Variants in NKAIN2 observed in about 807,000 individuals in gnomAD.
NKAIN2 encodes the protein sodium/potassium transporting ATPase interacting 2.
NKAIN2 carries 14 observed loss-of-function variants against 32.6 expected under a neutral mutation model. The observed-to-expected ratio is 0.43, with a 90% CI of 0.28 to 0.67. NKAIN2 has a LOEUF of 0.67. Ranked by LOEUF, NKAIN2 falls within the 30% of genes least tolerant of loss-of-function variation. The probability of loss-of-function intolerance (pLI) is 0.17; values close to 1 mark genes in which losing one functional copy is unlikely to be tolerated. For synonymous variants in NKAIN2, 80 were observed against 87.2 expected (o/e 0.92, Z 0.46); for missense variants, 198 against 258.3 (o/e 0.77, Z 1.60).
chr6:124,711,459 T>A (rs935520498), intron 4 of NKAIN2, among the ~76,000 whole-genome samples: 2 of 151,170 alleles, frequency 1.3e-5, no homozygotes, highest in Non-Finnish European at 2.9e-5. Flanking sequence ...GGTACACCAG[T>A]CAGACACAGA....
Position 124,545,189 on chromosome 6 carries a change from G to A in NKAIN2, c.274-112997G>A, listed in dbSNP as rs73567539. Among the ~76,000 whole-genome samples the A allele has an allele frequency of 6.6e-3, 1,008 of 152,244 alleles. 12 individuals carry two copies. The highest frequency in any genetic ancestry group is 0.023 in the African/African-American group (959 of 41,556). On this transcript the variant is annotated intron_variant, in intron 3 of 6. Transcript: ENST00000368417. ...TTTGTGCAGAATTGCTTCAATGCCT[G>A]CCCTGAAAATAGCTTAATTTTAAGT...
At chr6:124,453,156 A>C (rs1776175112) in intron 3 of NKAIN2, among the ~76,000 whole-genome samples, 1 of 151,968 alleles carries the variant, frequency 6.6e-6, no homozygotes, top group Admixed American at 6.6e-5. Context: ...ACTTTAAAGT[A>C]CTCAAACAGA....
At chr6:124,047,565 C>T (rs1782205584) in intron 1 of NKAIN2, among the ~76,000 whole-genome samples, 1 of 151,992 alleles carries the variant, frequency 6.6e-6, no homozygotes, top group African/African-American at 2.4e-5. Context: ...GGCTTCCTCC[C>T]CGGCTATTAG....
intron 1 of NKAIN2, among the ~76,000 whole-genome samples, chr6:124,089,761 GTGAC>G (rs912420014): frequency 6.6e-6 from 1 of 151,892 alleles, no homozygotes; most frequent in Non-Finnish European, 1.5e-5. Context: ...ATATTATCTA[GTGAC>G]TGACTGTCAG....
intron 1 of NKAIN2, among the ~76,000 whole-genome samples, chr6:124,105,573 G>C (rs913869875): frequency 3.3e-5 from 5 of 152,146 alleles, no homozygotes; most frequent in Non-Finnish European, 5.9e-5. Flanking sequence ...CTGATCTCTG[G>C]AGAAGCACAG....
intron 3 of NKAIN2, among the ~76,000 whole-genome samples, chr6:124,412,947 C>T (rs1016147099): frequency 6.6e-6 from 1 of 152,172 alleles, no homozygotes; most frequent in African/African-American, 2.4e-5. Flanking sequence ...ATGAGCAAGG[C>T]TCCATGGGCG....
intron 3 of NKAIN2, among the ~76,000 whole-genome samples, chr6:124,604,653 G>C (rs1324188554): frequency 6.6e-6 from 1 of 151,442 alleles, no homozygotes; most frequent in Non-Finnish European, 1.5e-5. Flanking sequence ...TAATAAAATG[G>C]AAAATGGAAA....
At chr6:124,506,070 A>C (rs1405888882) in intron 3 of NKAIN2, among the ~76,000 whole-genome samples, 1 of 151,910 alleles carries the variant, frequency 6.6e-6, no homozygotes, top group Non-Finnish European at 1.5e-5. Context: ...AGTCCCAGCT[A>C]CTCGGGATGC....
At chr6:124,196,125 C>T (rs1477757155) in intron 1 of NKAIN2, among the ~76,000 whole-genome samples, 1 of 152,054 alleles carries the variant, frequency 6.6e-6, no homozygotes, top group Non-Finnish European at 1.5e-5. Flanking sequence ...AGATTCCAGT[C>T]TTAATATTTT....
intron 3 of NKAIN2, among the ~76,000 whole-genome samples, chr6:124,535,022 C>G (rs117836005): frequency 1.4e-3 from 214 of 152,230 alleles, no homozygotes; most frequent in Non-Finnish European, 2.2e-3. Context: ...ATACATAATA[C>G]AATGTAAATG....
chr6:124,113,453 T>A (rs995434957), intron 1 of NKAIN2, among the ~76,000 whole-genome samples: 9 of 152,248 alleles, frequency 5.9e-5, no homozygotes, highest in African/African-American at 2.2e-4. Context: ...AATTGGGATT[T>A]TTTTTGTTTG....
chr6:124,710,884 T>C (rs999807993), intron 4 of NKAIN2, among the ~76,000 whole-genome samples: 2 of 151,566 alleles, frequency 1.3e-5, no homozygotes, highest in Non-Finnish European at 2.9e-5. Context: ...TGATGTTAGC[T>C]GCTTATTTTG....
chr6:123,987,261 G>A (rs1779182759), intron 1 of NKAIN2, among the ~76,000 whole-genome samples: 1 of 152,036 alleles, frequency 6.6e-6, no homozygotes, highest in African/African-American at 2.4e-5. Flanking sequence ...TTTTTTTAAG[G>A]TGGGTTTTCT....
chr6:123,937,259 G>A (rs1270826998), intron 1 of NKAIN2, among the ~76,000 whole-genome samples: 2 of 152,054 alleles, frequency 1.3e-5, no homozygotes, highest in African/African-American at 4.8e-5. Context: ...TTGAGTTAGA[G>A]TAAATTTATC....
At chr6:124,686,104 C>T (rs1055007342) in intron 4 of NKAIN2, among the ~76,000 whole-genome samples, 3 of 152,102 alleles carry the variant, frequency 2.0e-5, no homozygotes, top group African/African-American at 7.2e-5. Flanking sequence ...TGGCTGTCAA[C>T]CAGCAGACTC....
intron 3 of NKAIN2, among the ~76,000 whole-genome samples, chr6:124,388,080 T>C (rs1772987417): frequency 1.3e-5 from 2 of 152,164 alleles, no homozygotes; most frequent in African/African-American, 4.8e-5. Context: ...CAAAATTATC[T>C]AGCCCGAAAT....
intron 4 of NKAIN2, among the ~76,000 whole-genome samples, chr6:124,734,149 A>G (rs1199151494): frequency 6.6e-6 from 1 of 151,722 alleles, no homozygotes; most frequent in East Asian, 1.9e-4. Context: ...TGACTGAAAG[A>G]GTCTTATTGG....
At chr6:124,612,281 G>A (rs1451050767) in intron 3 of NKAIN2, among the ~76,000 whole-genome samples, 2 of 151,840 alleles carry the variant, frequency 1.3e-5, no homozygotes, top group Non-Finnish European at 2.9e-5. Flanking sequence ...GGGAAAAAAA[G>A]CAAAAACAGT....
chr6:124,007,397 A>G (rs563849312), intron 1 of NKAIN2, among the ~76,000 whole-genome samples: 36 of 152,164 alleles, frequency 2.4e-4, no homozygotes, highest in Non-Finnish European at 4.6e-4. Context: ...ATTGCCACCA[A>G]TGAGTGTGTA....
Sources: allele counts gnomAD v4.1 joint callset (sites outside exome capture counted in the v4.1 genomes callset), GRCh38; gene constraint gnomAD v4.1.1; transcripts MANE v1.5; gene names NCBI Gene and HGNC (gene_info 2026-07-23, HGNC 2026-07-21).